SDAD1: variants seen among roughly 807,000 people sequenced by gnomAD.
The protein encoded by SDAD1 is SDA1 domain containing 1.
A neutral mutation model predicts 100.3 loss-of-function variants in SDAD1; 79 were observed. That is an observed-to-expected ratio of 0.79 (90% CI 0.66 to 0.95). The LOEUF (loss-of-function observed/expected upper bound fraction) is 0.95, where lower values mean the gene tolerates loss of function less well. Ranked by LOEUF, SDAD1 falls within the 40% of genes least tolerant of loss-of-function variation. The pLI, the probability that SDAD1 is intolerant of heterozygous loss-of-function variation, is 0.00. For missense variants in SDAD1, 790 were observed against 810.9 expected (o/e 0.97, Z 0.31); for synonymous variants, 267 against 271.4 (o/e 0.98, Z 0.16).
chr4:75,969,198 G>T, intron 11 of SDAD1, 98 bp downstream of exon 11: 1 of 728,946 alleles, frequency 1.4e-6, no homozygotes, highest in Non-Finnish European at 2.2e-6. Context: ...AATGTATGAG[G>T]GATAAAATTA....
intron 7 of SDAD1, among the ~76,000 whole-genome samples, chr4:75,973,727 A>AG (rs1729997272): frequency 6.6e-6 from 1 of 152,182 alleles, no homozygotes; most frequent in Non-Finnish European, 1.5e-5. Flanking sequence ...GCAGTGCCGA[A>AG]GCCCAACGGA....
chr4:75,982,119 T>G (rs1039141592), intron 1 of SDAD1, 82 bp from the exon 2 acceptor site: 4 of 761,718 alleles, frequency 5.3e-6, no homozygotes. Context: ...AAATTCTTAG[T>G]AGAAACTGTT....
intron 14 of SDAD1, 124 bp from the exon 15 acceptor site, chr4:75,961,432 T>C (rs1447087738): frequency 1.1e-5 from 7 of 662,400 alleles, no homozygotes; most frequent in Non-Finnish European, 1.8e-5. Flanking sequence ...ATAGCTTAGG[T>C]CTCCAAAACT....
chr4:75,957,387 C>T lies in SDAD1; in HGVS notation c.1792G>A (p.Asp598Asn), dbSNP rs773746551. The change falls in exon 20 of 22, where the codon GAC (aspartate) becomes AAC (asparagine). Residue 598 changes from aspartate (D) to asparagine (N), a missense_variant. Transcript: ENST00000356260. ...EPRGELLSLR[D>N]IERLHKKPKS... is the part of the protein sequence containing the mutation. ...GGCTTTTTATGAAGGCGTTCAATGT[C>T]CCGAAGAGAAAGTAATTCACCCCTG... The T allele has an allele frequency of 5.6e-6, 9 of 1,614,014 alleles. No individual in the cohort carries two copies. Among genetic ancestry groups the T allele is most frequent in the Non-Finnish European group, 7.6e-6 (9 of 1,180,004 alleles).
chr4:75,960,812 G>T (rs1461652222), intron 16 of SDAD1, among the ~76,000 whole-genome samples: 1 of 152,176 alleles, frequency 6.6e-6, no homozygotes, highest in Admixed American at 6.6e-5. Flanking sequence ...CAGCCTGATA[G>T]GTCTTCAAGA....
At chr4:75,974,357 AGACT>A (rs556557188) in intron 6 of SDAD1, among the ~76,000 whole-genome samples, 24 of 151,644 alleles carry the variant, frequency 1.6e-4, no homozygotes, top group African/African-American at 5.6e-4. Context: ...CCATTAAGAC[AGACT>A]ATTTAAAGAA....
chr4:75,990,810 C>T lies in SDAD1; in HGVS notation c.32G>A (p.Ser11Asn). 1 of 1,614,136 alleles carries T rather than the reference C, an allele frequency of 6.2e-7. No homozygotes were observed. The highest frequency in any genetic ancestry group is 8.5e-7 in the Non-Finnish European group (1 of 1,180,018). The change falls in exon 1 of 22, where the codon AGC (serine) becomes AAC (asparagine). Residue 11 changes from serine to asparagine, a missense_variant. Ser to Asn is a conservative substitution (Grantham distance 46). Transcript: ENST00000356260. Reference protein sequence around the residue: MSNRNNNKLPSNLPQLQNLIK... With the variant: MSNRNNNKLPNNLPQLQNLIK... ...TAGATTCTGTAACTGCGGCAGGTTGCTGGGAAGCTTGTTGTTGTTTCTGTT... is the reference window on the plus strand; with the variant it reads ...TAGATTCTGTAACTGCGGCAGGTTGTTGGGAAGCTTGTTGTTGTTTCTGTT...
intron 1 of SDAD1, among the ~76,000 whole-genome samples, chr4:75,985,839 C>T (rs1199127822): frequency 6.6e-6 from 1 of 152,120 alleles, no homozygotes; most frequent in African/African-American, 2.4e-5. Flanking sequence ...CAAACTCCAA[C>T]GATCCTTCAA....
rs548146955 is a variant in SDAD1 at position 75,981,415 on chromosome 4, A to T, written c.251T>A (p.Leu84His). 3 of 1,613,904 alleles carry T rather than the reference A, an allele frequency of 1.9e-6. No individual in the cohort carries two copies. The Middle Eastern group carries it at 5.0e-4, about 267-fold the overall frequency. The change falls in exon 3 of 22, where the codon CTT becomes CAT. Residue 84 changes from leucine to histidine, a missense_variant. Transcript: ENST00000356260. ...LSNFPQEVKD[L>H]LSCNHTVLDP... ...CAATACGGTATGATTGCAGGAGAGAAGATCTTTCACCTCTTGAGGAAAATT... is the reference window on the plus strand; with the variant it reads ...CAATACGGTATGATTGCAGGAGAGATGATCTTTCACCTCTTGAGGAAAATT...
intron 3 of SDAD1, among the ~76,000 whole-genome samples, chr4:75,978,346 G>A (rs1730276070): frequency 6.7e-6 from 1 of 149,292 alleles, no homozygotes; most frequent in South Asian, 2.1e-4. Context: ...AGGACTGTAG[G>A]TACCCAGCTA....
chr4:75,976,068 G>T, intron 4 of SDAD1, 73 bp from the exon 5 acceptor site: 1 of 908,464 alleles, frequency 1.1e-6, no homozygotes. Flanking sequence ...TTGGAGAACA[G>T]TATGAATGTA....
Position 75,956,407 on chromosome 4 carries a change from G to T in SDAD1, c.1855-271C>A, listed in dbSNP as rs72651393. On this transcript the variant is annotated intron_variant, in intron 20 of 21. Transcript: ENST00000356260. ...GAGACAGGTAGACTGTTTTTTTTTT[G>T]TTTTTTTTTTTTTTGCAGGATGAAG... 2.0e-3 allele frequency among the ~76,000 whole-genome samples: 258 copies of T among 128,500 alleles called. 2 individuals are homozygous for T. Among genetic ancestry groups the T allele is most frequent in the East Asian group, 4.2e-3 (19 of 4,488 alleles). The allele number at this position is 128,500 out of a possible 152,430, so 84.3% of individuals were successfully genotyped here.
intron 6 of SDAD1, among the ~76,000 whole-genome samples, chr4:75,974,609 T>C (rs527445045): frequency 6.6e-6 from 1 of 152,192 alleles, no homozygotes; most frequent in Admixed American, 6.5e-5. Flanking sequence ...CTTGGGAGGC[T>C]GAGGCACGAG....
rs115048393 is a variant in SDAD1, at chr4:75,965,662, G to A, written c.1104+102C>T. ...TGACAAGAAATAGAAAAAAACCCAC[G>A]TTGAATTATCGGGGGCAGGTTCCCC... On this transcript the variant is annotated intron_variant, in intron 13 of 21. Transcript: ENST00000356260. The A allele has an allele frequency of 1.5e-3, 1,390 of 897,236 alleles. 26 individuals are homozygous for A. The African/African-American group carries it at 0.021, about 13-fold the overall frequency. The allele number at this position is 897,236 out of a possible 1,614,324, so 55.6% of individuals were successfully genotyped here.
rs998253355 is a variant in SDAD1, at chr4:75,950,155, A to T, written c.*595T>A. Reference sequence around the variant, plus strand: ...AACACGGGGGGGGGGGGGTCACTTAAATCTCTTGGATTGACTAAAAGAGCT... The same window carrying T: ...AACACGGGGGGGGGGGGGTCACTTATATCTCTTGGATTGACTAAAAGAGCT... On this transcript the variant is annotated 3_prime_UTR_variant, in exon 22 of 22. Coordinates refer to ENST00000356260, the MANE Select transcript of SDAD1 (RefSeq NM_018115.4). 6.6e-6 allele frequency: 1 copy of T among 151,216 alleles called. No individual in the cohort carries two copies. 9.4% of individuals were successfully genotyped at this position (151,216 alleles called of 1,614,324 possible).
intron 21 of SDAD1, among the ~76,000 whole-genome samples, chr4:75,951,316 A>G (rs1055866203): frequency 2.6e-5 from 4 of 152,184 alleles, no homozygotes; most frequent in Non-Finnish European, 4.4e-5. Context: ...TCAATATAAA[A>G]TCTGAAACAA....
rs199766900 is a variant in SDAD1, at chr4:75,956,139, A to T, written c.1855-3T>A. On this transcript the variant is annotated splice_polypyrimidine_tract_variant and splice_region_variant and intron_variant, in intron 20 of 21. Coordinates refer to ENST00000356260, the MANE Select transcript of SDAD1 (RefSeq NM_018115.4). ...TCTTTTCGGTCTGTCTTTCCAGCCT[A>T]CCAGAACAAAAAGTTTGATATTTCT... 5.7e-4 allele frequency: 914 copies of T among 1,595,394 alleles called. No homozygotes were observed. Among genetic ancestry groups the T allele is most frequent in the Non-Finnish European group, 7.1e-4 (832 of 1,174,802 alleles).
intron 19 of SDAD1, 24 bp from the exon 20 acceptor site, chr4:75,957,433 A>G (rs1560536269): frequency 8.1e-6 from 13 of 1,613,180 alleles, no homozygotes; most frequent in Middle Eastern, 1.6e-4. Context: ...AAAATAACAC[A>G]TGAAACAAGA....
At chr4:75,979,788 C>T (rs1342386694) in intron 3 of SDAD1, among the ~76,000 whole-genome samples, 2 of 152,056 alleles carry the variant, frequency 1.3e-5, no homozygotes, top group African/African-American at 2.4e-5. Context: ...ACCTACTAAT[C>T]ATCATAAAGC....
Sources: allele counts gnomAD v4.1 joint callset (sites outside exome capture counted in the v4.1 genomes callset), GRCh38; gene constraint gnomAD v4.1.1; transcripts MANE v1.5; gene names NCBI Gene and HGNC (gene_info 2026-07-23, HGNC 2026-07-21).